PLD5: variants seen among roughly 807,000 people sequenced by gnomAD.
PLD5 encodes phospholipase D family member 5.
In PLD5, 36 loss-of-function variants were observed where a neutral mutation model predicts 61.1. The ratio of observed to expected loss-of-function variants is 0.59; its 90% CI spans 0.45 to 0.78. The LOEUF (loss-of-function observed/expected upper bound fraction) is 0.78. Among genes scored for constraint, PLD5 ranks in the 30% least tolerant of loss-of-function variants. PLD5 has a pLI of 0.00. For missense variants in PLD5, 515 were observed against 644.4 expected, an observed-to-expected ratio of 0.80 and a Z score of 2.17; for synonymous variants, 243 against 242.8, an observed-to-expected ratio of 1.00 and a Z score of -0.01.
intron 5 of PLD5, among the ~76,000 whole-genome samples, chr1:242,214,871 CTTT>C (rs71570942): frequency 2.1e-4 from 19 of 92,458 alleles, no homozygotes; most frequent in Non-Finnish European, 9.7e-5. Flanking sequence ...CATTAAACAC[CTTT>C]TTTTTTTTTT....
At chr1:242,507,708 T>C (rs1305109397) in intron 1 of PLD5, among the ~76,000 whole-genome samples, 1 of 152,206 alleles carries the variant, frequency 6.6e-6, no homozygotes, top group East Asian at 1.9e-4. Context: ...CAGTTCCAAA[T>C]GCAACTAGAA....
At chr1:242,465,780 A>G (rs1022963481) in intron 1 of PLD5, among the ~76,000 whole-genome samples, 2 of 152,184 alleles carry the variant, frequency 1.3e-5, no homozygotes, top group South Asian at 2.1e-4. Flanking sequence ...TACAAAAAAA[A>G]TTAGCCAGGC....
intron 1 of PLD5, among the ~76,000 whole-genome samples, chr1:242,354,792 A>G (rs572882193): frequency 6.7e-6 from 1 of 149,672 alleles, no homozygotes; most frequent in Non-Finnish European, 1.5e-5. Context: ...TATGAAGTAC[A>G]TTTCTCCTAT....
intron 3 of PLD5, among the ~76,000 whole-genome samples, chr1:242,282,432 A>G (rs1674764579): frequency 1.3e-5 from 2 of 152,120 alleles, no homozygotes; most frequent in Admixed American, 1.3e-4. Context: ...GTACTTCCCA[A>G]AAACAACCTC....
At chr1:242,455,748 A>C (rs1401618871) in intron 1 of PLD5, among the ~76,000 whole-genome samples, 1 of 152,242 alleles carries the variant, frequency 6.6e-6, no homozygotes, top group East Asian at 1.9e-4. Context: ...TGGCATTTCT[A>C]CAAGGCTGTG....
At chr1:242,336,047 A>G (rs182631960) in intron 2 of PLD5, among the ~76,000 whole-genome samples, 8 of 152,346 alleles carry the variant, frequency 5.3e-5, no homozygotes, top group African/African-American at 1.9e-4. Flanking sequence ...GGCACGCCAC[A>G]GGTGAAGAAG....
chr1:242,199,042 G>C (rs913231660), intron 5 of PLD5, among the ~76,000 whole-genome samples: 4 of 152,070 alleles, frequency 2.6e-5, no homozygotes, highest in African/African-American at 9.7e-5. Flanking sequence ...CCTCATTATT[G>C]TTTTGTATTG....
At chr1:242,179,521 C>T (rs1667382581) in intron 5 of PLD5, among the ~76,000 whole-genome samples, 1 of 152,160 alleles carries the variant, frequency 6.6e-6, no homozygotes, top group Non-Finnish European at 1.5e-5. Context: ...TGCTGTGTTA[C>T]CCTTGTCTTC....
intron 1 of PLD5, among the ~76,000 whole-genome samples, chr1:242,521,045 C>A (rs1300125537): frequency 6.6e-6 from 1 of 152,182 alleles, no homozygotes; most frequent in East Asian, 1.9e-4. Context: ...ACTAATAATA[C>A]AACATTCTGT....
chr1:242,349,614 C>T (rs999610947), intron 1 of PLD5, among the ~76,000 whole-genome samples: 5 of 152,138 alleles, frequency 3.3e-5, no homozygotes, highest in Admixed American at 6.5e-5. Context: ...CAAAGTCACT[C>T]ACATACATAT....
chr1:242,264,212 T>C (rs1225676079), intron 4 of PLD5, among the ~76,000 whole-genome samples: 1 of 152,246 alleles, frequency 6.6e-6, no homozygotes, highest in Non-Finnish European at 1.5e-5. Flanking sequence ...CTAAGCCACG[T>C]TGATTGTATC....
At chr1:242,441,339 T>TTG (rs1199636918) in intron 1 of PLD5, among the ~76,000 whole-genome samples, 1 of 151,918 alleles carries the variant, frequency 6.6e-6, no homozygotes, top group Non-Finnish European at 1.5e-5. Context: ...GTGTGTGGTG[T>TTG]TGTGTGTGTG....
intron 5 of PLD5, among the ~76,000 whole-genome samples, chr1:242,170,096 G>A (rs1666635632): frequency 6.6e-6 from 1 of 152,234 alleles, no homozygotes; most frequent in Non-Finnish European, 1.5e-5. Context: ...AGGTCAGGCT[G>A]CCTCTTCAAG....
At chr1:242,437,314 T>A (rs1307767638) in intron 1 of PLD5, among the ~76,000 whole-genome samples, 1 of 152,192 alleles carries the variant, frequency 6.6e-6, no homozygotes, top group Non-Finnish European at 1.5e-5. Context: ...ACAGACTTTA[T>A]GACAATGGCA....
chr1:242,168,851 T>TTTTTTTG (rs1666528084), intron 5 of PLD5, among the ~76,000 whole-genome samples: 2 of 137,660 alleles, frequency 1.5e-5, no homozygotes, highest in South Asian at 2.5e-4. Flanking sequence ...ATGAAGTTTT[T>TTTTTTTG]TTTTTTTTTT....
At chr1:242,257,749 T>G (rs2149093087) in intron 4 of PLD5, among the ~76,000 whole-genome samples, 1 of 152,304 alleles carries the variant, frequency 6.6e-6, no homozygotes, top group African/African-American at 2.4e-5. Flanking sequence ...TGTGACTTAC[T>G]TTTCAGATAA....
chr1:242,142,630 TTACAC>T (rs144532324), intron 5 of PLD5, among the ~76,000 whole-genome samples: 5,423 of 152,246 alleles, frequency 0.036, 122 homozygotes, highest in Non-Finnish European at 0.054. Context: ...ATCCACTTCT[TTACAC>T]TAATGTTTCC....
chr1:242,518,017 T>A (rs2810002), intron 1 of PLD5, among the ~76,000 whole-genome samples: 100,568 of 152,018 alleles, frequency 0.66, 34,848 homozygotes, highest in African/African-American at 0.87. Context: ...CACAAGGCTC[T>A]TTGCCTACTC....
chr1:242,380,190 A>G (rs1662197739), intron 1 of PLD5, among the ~76,000 whole-genome samples: 1 of 152,212 alleles, frequency 6.6e-6, no homozygotes, highest in Non-Finnish European at 1.5e-5. Flanking sequence ...GTAAAATTAT[A>G]ATATGAAGGT....
Sources: gnomAD v4.1 joint callset for allele counts (sites outside exome capture counted in the v4.1 genomes callset) on GRCh38, gnomAD v4.1.1 for gene constraint, MANE v1.5 for transcripts, NCBI Gene and HGNC (gene_info 2026-07-23, HGNC 2026-07-21) for gene names.